Variants in CELF2 observed in about 807,000 individuals in gnomAD.
CELF2 encodes the protein CUG triplet repeat RNA-binding protein 2.
Under a neutral mutation model 62.6 loss-of-function variants are expected in CELF2, and 8 were observed. That is an observed-to-expected ratio of 0.13 (90% CI 0.07 to 0.23). The LOEUF (loss-of-function observed/expected upper bound fraction) is 0.23. Among genes scored for constraint, CELF2 ranks in the 10% least tolerant of loss-of-function variants. The pLI is 1.00. For synonymous variants in CELF2, 258 were observed against 250.0 expected (o/e 1.03, Z -0.30); for missense variants, 333 against 671.0 (o/e 0.50, Z 5.56).
At chr10:10,505,363 C>G in the CELF2 span, among the ~76,000 whole-genome samples, 75 of 152,228 alleles carry the variant, frequency 4.9e-4, no homozygotes, top group Middle Eastern at 3.4e-3. Context: ...GTAACCTCCA[C>G]TGACACCATG....
chr10:10,878,021 C>T (rs1389640123), intron 1 of CELF2, among the ~76,000 whole-genome samples: 1 of 152,136 alleles, frequency 6.6e-6, no homozygotes, highest in Non-Finnish European at 1.5e-5. Flanking sequence ...TGATAGAAAA[C>T]AGACCAACGG....
At chr10:10,604,274 G>A in the CELF2 span, among the ~76,000 whole-genome samples, 9 of 152,288 alleles carry the variant, frequency 5.9e-5, no homozygotes, top group South Asian at 1.7e-3. Flanking sequence ...CTTAAGATAC[G>A]ATAGATTTCG....
At chr10:10,761,905 C>CTT in the CELF2 span, among the ~76,000 whole-genome samples, 2 of 128,880 alleles carry the variant, frequency 1.6e-5, no homozygotes, top group East Asian at 4.7e-4. Flanking sequence ...TATAATAAAC[C>CTT]GTGTGTGTGT....
chr10:10,651,778 A>G, the CELF2 span, among the ~76,000 whole-genome samples: 1 of 151,690 alleles, frequency 6.6e-6, no homozygotes, highest in Non-Finnish European at 1.5e-5. Flanking sequence ...GGAAAAAAAA[A>G]GCACAGAAAA....
intron 1 of CELF2, among the ~76,000 whole-genome samples, chr10:10,841,470 A>G (rs897602498): frequency 4.7e-5 from 7 of 149,318 alleles, no homozygotes; most frequent in African/African-American, 1.7e-4. Flanking sequence ...GTTCATTTTT[A>G]TATAGATGGA....
At chr10:11,068,726 A>G (rs887393212) in intron 1 of CELF2, among the ~76,000 whole-genome samples, 1 of 151,962 alleles carries the variant, frequency 6.6e-6, no homozygotes, top group African/African-American at 2.4e-5. Flanking sequence ...ATGCCCAGCT[A>G]ATTTTTTGTA....
intron 3 of CELF2, among the ~76,000 whole-genome samples, chr10:11,239,933 A>G (rs2073162507): frequency 6.6e-6 from 1 of 152,176 alleles, no homozygotes; most frequent in Non-Finnish European, 1.5e-5. Flanking sequence ...GGCGCCTGTA[A>G]TCCCAGCTAT....
At chr10:10,846,006 C>A in intron 1 of CELF2, 1 of 515,000 alleles carries the variant, frequency 1.9e-6, no homozygotes, top group Non-Finnish European at 2.5e-6. Flanking sequence ...GTCTGTGTGT[C>A]TCAGCTTCGG....
chr10:10,699,078 G>T, the CELF2 span, among the ~76,000 whole-genome samples: 1 of 151,556 alleles, frequency 6.6e-6, no homozygotes, highest in Non-Finnish European at 1.5e-5. Context: ...ACATATATTT[G>T]AATTTCCTCA....
At chr10:11,063,274 A>G (rs2067260569) in intron 1 of CELF2, among the ~76,000 whole-genome samples, 1 of 152,206 alleles carries the variant, frequency 6.6e-6, no homozygotes, top group East Asian at 1.9e-4. Flanking sequence ...CACATACAGA[A>G]GGGGGCTACC....
the CELF2 span, among the ~76,000 whole-genome samples, chr10:10,670,466 T>G: frequency 6.6e-6 from 1 of 152,140 alleles, no homozygotes; most frequent in African/African-American, 2.4e-5. Flanking sequence ...CACAAGAAAA[T>G]GGACAAAAAG....
At chr10:10,640,642 C>T in the CELF2 span, among the ~76,000 whole-genome samples, 1 of 152,094 alleles carries the variant, frequency 6.6e-6, no homozygotes, top group Non-Finnish European at 1.5e-5. Flanking sequence ...TTTCTAAGAC[C>T]AGCATGTAGG....
chr10:11,297,159 C>T lies in CELF2; in HGVS notation c.976+8607C>T, dbSNP rs1470831544. On this transcript the variant is annotated intron_variant, in intron 9 of 12. Transcript: ENST00000633077. The surrounding 1 kb of genome is among the most constrained non-coding windows in gnomAD (Gnocchi z 4.4). ...TGGGTGGCCAGTGGAGCATTGCTCTCAGTTGTGAGGGGAGTTGAGGAGGAA... is the reference window on the plus strand; with the variant it reads ...TGGGTGGCCAGTGGAGCATTGCTCTTAGTTGTGAGGGGAGTTGAGGAGGAA... Among the ~76,000 whole-genome samples the T allele has an allele frequency of 2.6e-5, 4 of 152,142 alleles. No homozygotes were observed. Among genetic ancestry groups the T allele is most frequent in the African/African-American group, 9.7e-5 (4 of 41,422 alleles).
chr10:11,298,011 A>T (rs985940210), intron 9 of CELF2, among the ~76,000 whole-genome samples: 1 of 152,258 alleles, frequency 6.6e-6, no homozygotes, highest in African/African-American at 2.4e-5. Flanking sequence ...AAAAATCTGT[A>T]AAAGTACTGG....
intron 1 of CELF2, among the ~76,000 whole-genome samples, chr10:10,826,507 TA>T (rs909381572): frequency 1.3e-5 from 2 of 152,208 alleles, no homozygotes; most frequent in Admixed American, 6.5e-5. Context: ...ATGCTTATGC[TA>T]AAAAAAATCA....
chr10:10,534,277 T>G, the CELF2 span, among the ~76,000 whole-genome samples: 5 of 139,910 alleles, frequency 3.6e-5, no homozygotes, highest in Non-Finnish European at 6.3e-5. Context: ...AGGCACTAAG[T>G]AAAGAAAAAA....
chr10:10,520,577 T>A, the CELF2 span, among the ~76,000 whole-genome samples: 2 of 151,534 alleles, frequency 1.3e-5, no homozygotes, highest in Non-Finnish European at 2.9e-5. Context: ...TAAAGGGAAA[T>A]GAGGGCACGC....
chr10:10,562,363 C>T, the CELF2 span, among the ~76,000 whole-genome samples: 25 of 152,312 alleles, frequency 1.6e-4, no homozygotes, highest in African/African-American at 5.5e-4. Flanking sequence ...ATGAATAATC[C>T]TAATCGCTTA....
At chr10:11,128,636 G>A (rs1428699706) in intron 1 of CELF2, among the ~76,000 whole-genome samples, 1 of 152,134 alleles carries the variant, frequency 6.6e-6, no homozygotes, top group African/African-American at 2.4e-5. Flanking sequence ...TCTCTTTGAA[G>A]CAATTGTGAA....
Sources: allele counts gnomAD v4.1 joint callset (sites outside exome capture counted in the v4.1 genomes callset), GRCh38; gene constraint gnomAD v4.1.1; non-coding constraint Gnocchi (gnomAD v3.1); transcripts MANE v1.5; gene names NCBI Gene and HGNC (gene_info 2026-07-23, HGNC 2026-07-21).